WDR49: variants seen among roughly 807,000 people sequenced by gnomAD.
WDR49 encodes the protein WD repeat domain 49.
A neutral mutation model predicts 119.5 loss-of-function variants in WDR49; 107 were observed. The ratio of observed to expected loss-of-function variants is 0.90; its 90% CI spans 0.77 to 1.05. The LOEUF (loss-of-function observed/expected upper bound fraction) is 1.05. Ranked by LOEUF, WDR49 falls within the 50% of genes least tolerant of loss-of-function variation. WDR49 has a pLI of 0.00. For missense variants in WDR49, 1,240 were observed against 1,220.5 expected, an observed-to-expected ratio of 1.02 and a Z score of -0.24; for synonymous variants, 425 against 418.8, an observed-to-expected ratio of 1.01 and a Z score of -0.18.
chr3:167,564,859 T>C (rs1006559254), intron 8 of WDR49, among the ~76,000 whole-genome samples: 1 of 152,142 alleles, frequency 6.6e-6, no homozygotes, highest in African/African-American at 2.4e-5. Flanking sequence ...CCAATAACAG[T>C]AGGCACTTTA....
intron 2 of WDR49, among the ~76,000 whole-genome samples, chr3:167,638,857 T>C (rs954421998): frequency 6.6e-6 from 1 of 151,604 alleles, no homozygotes; most frequent in Non-Finnish European, 1.5e-5. Context: ...GAATTTAAGG[T>C]TTGGAACCAA....
chr3:167,552,352 A>C (rs917628299), intron 10 of WDR49, among the ~76,000 whole-genome samples: 1 of 152,082 alleles, frequency 6.6e-6, no homozygotes, highest in African/African-American at 2.4e-5. Context: ...GACAAAGCAC[A>C]AGTTAGAAGG....
intron 2 of WDR49, among the ~76,000 whole-genome samples, chr3:167,628,626 A>T (rs542516543): frequency 6.6e-6 from 1 of 152,266 alleles, no homozygotes; most frequent in South Asian, 2.1e-4. Flanking sequence ...AGATTGATTC[A>T]TGAGGTTTGA....
chr3:167,529,156 A>G lies in WDR49; in HGVS notation c.2302T>C (p.Leu768=), dbSNP rs148391740. The G allele has an allele frequency of 2.6e-4, 425 of 1,612,370 alleles. 1 individual carries two copies. The highest frequency in any genetic ancestry group is 2.2e-3 in the South Asian group (202 of 90,878). Residue 768 remains leucine (L), a synonymous_variant, in exon 14 of 19, where the codon TTG becomes CTG. Transcript: ENST00000682715. ...ATCGATCCAACTCCACTATGAGCCA[A>G]AAATTCAGCCAGAAGTTGCTTCTTA... ...IYKKQLLAEF[L]AHSGVGSIIM...
chr3:167,541,776 C>T (rs1711850367), intron 10 of WDR49, among the ~76,000 whole-genome samples: 1 of 152,014 alleles, frequency 6.6e-6, no homozygotes, highest in Non-Finnish European at 1.5e-5. Flanking sequence ...GATAAAAATC[C>T]ACCAGTCAAG....
At chr3:167,550,352 T>G (rs1238491781) in intron 10 of WDR49, among the ~76,000 whole-genome samples, 1 of 152,186 alleles carries the variant, frequency 6.6e-6, no homozygotes, top group Admixed American at 6.6e-5. Context: ...CATTTGTTTG[T>G]GTCCTCTTTT....
At chr3:167,594,895 G>T (rs1470796331) in intron 7 of WDR49, among the ~76,000 whole-genome samples, 1 of 150,044 alleles carries the variant, frequency 6.7e-6, no homozygotes, top group African/African-American at 2.5e-5. Context: ...AGGAAATAAA[G>T]GGTATTCAAT....
chr3:167,551,090 CA>C (rs1712533015), intron 10 of WDR49, among the ~76,000 whole-genome samples: 2 of 152,080 alleles, frequency 1.3e-5, no homozygotes, highest in South Asian at 4.1e-4. Context: ...TTTTTACTGA[CA>C]GAAAAATTCT....
At chr3:167,580,863 T>C (rs1714494379) in intron 7 of WDR49, among the ~76,000 whole-genome samples, 2 of 152,188 alleles carry the variant, frequency 1.3e-5, no homozygotes, top group African/African-American at 4.8e-5. Flanking sequence ...ATTTCAGATA[T>C]CCTAGAAGGG....
chr3:167,583,432 C>T (rs1479409165), intron 7 of WDR49, among the ~76,000 whole-genome samples: 2 of 151,800 alleles, frequency 1.3e-5, no homozygotes, highest in African/African-American at 4.8e-5. Context: ...GTGGTGGCCA[C>T]ATCTGTAATC....
chr3:167,589,357 A>T (rs941985415), intron 7 of WDR49, among the ~76,000 whole-genome samples: 2 of 152,206 alleles, frequency 1.3e-5, no homozygotes, highest in African/African-American at 4.8e-5. Flanking sequence ...GTATAATTTG[A>T]AGTCAGTTAG....
At chr3:167,536,540 C>A (rs1157108761) in intron 11 of WDR49, among the ~76,000 whole-genome samples, 2 of 151,366 alleles carry the variant, frequency 1.3e-5, no homozygotes, top group African/African-American at 2.4e-5. Context: ...ACTGGCCAGG[C>A]ATGGTGGGGC....
intron 12 of WDR49, 21 bp from the exon 13 acceptor site, chr3:167,531,300 A>G: frequency 6.2e-7 from 1 of 1,608,928 alleles, no homozygotes; most frequent in Non-Finnish European, 8.5e-7. Flanking sequence ...GACAAAGCCA[A>G]GTATATTAAT....
intron 18 of WDR49, among the ~76,000 whole-genome samples, chr3:167,488,938 A>G (rs1577192205): frequency 6.6e-6 from 1 of 152,106 alleles, no homozygotes; most frequent in African/African-American, 2.4e-5. Flanking sequence ...TGCTTGGGAC[A>G]TTCTGCCCCA....
chr3:167,607,738 CCCATACCCTCAATCCCAAA>C (rs1354363087), intron 5 of WDR49, among the ~76,000 whole-genome samples: 1 of 152,088 alleles, frequency 6.6e-6, no homozygotes, highest in Non-Finnish European at 1.5e-5. Flanking sequence ...CCTTTCTGTC[CCCATACCCTCAATCCCAAA>C]CCAAGCCCCT....
At chr3:167,552,580 A>T (rs1375760699) in intron 10 of WDR49, among the ~76,000 whole-genome samples, 2 of 152,076 alleles carry the variant, frequency 1.3e-5, no homozygotes, top group Non-Finnish European at 2.9e-5. Context: ...TGGAAAGGAG[A>T]TAAATAATTA....
chr3:167,624,027 T>C (rs965753008), intron 3 of WDR49, among the ~76,000 whole-genome samples: 1 of 151,810 alleles, frequency 6.6e-6, no homozygotes, highest in African/African-American at 2.4e-5. Context: ...ATAAAAACTC[T>C]CGAAACTCAA....
At chr3:167,605,843 A>G (rs1716036793) in intron 5 of WDR49, among the ~76,000 whole-genome samples, 1 of 152,184 alleles carries the variant, frequency 6.6e-6, no homozygotes, top group South Asian at 2.1e-4. Context: ...CAAAGTCAGC[A>G]AGTAATTGTC....
chr3:167,514,051 C>A (rs112744535), intron 16 of WDR49, among the ~76,000 whole-genome samples: 1 of 152,052 alleles, frequency 6.6e-6, no homozygotes, highest in African/African-American at 2.4e-5. Context: ...AGACAGATAT[C>A]GAGACAGAAA....
Sources: allele counts gnomAD v4.1 joint callset (sites outside exome capture counted in the v4.1 genomes callset), GRCh38; gene constraint gnomAD v4.1.1; transcripts MANE v1.5; gene names NCBI Gene and HGNC (gene_info 2026-07-23, HGNC 2026-07-21).